The following JMJD1C variants were observed in gnomAD, a reference collection of about 807,000 sequenced individuals.
JMJD1C encodes the protein jumonji domain-containing protein 1C.
A neutral mutation model predicts 245.3 loss-of-function variants in JMJD1C; 31 were observed. The ratio of observed to expected loss-of-function variants is 0.13; its 90% CI spans 0.09 to 0.17. JMJD1C has a LOEUF of 0.17. Among genes scored for constraint, JMJD1C ranks in the 10% least tolerant of loss-of-function variants. The pLI, the probability that JMJD1C is intolerant of heterozygous loss-of-function variation, is 1.00. For synonymous variants in JMJD1C, 1,057 were observed against 1,017.4 expected (o/e 1.04, Z -0.74); for missense variants, 2,691 against 3,000.2 (o/e 0.90, Z 2.41).
intron 1 of JMJD1C, among the ~76,000 whole-genome samples, chr10:63,510,837 C>G (rs992051437): frequency 6.6e-6 from 1 of 152,164 alleles, no homozygotes; most frequent in Non-Finnish European, 1.5e-5. Context: ...CATTGTAGTT[C>G]TATCAGTTTT....
chr10:63,208,880 C>A, intron 9 of JMJD1C, 79 bp from the exon 10 acceptor site: 1 of 1,211,000 alleles, frequency 8.3e-7, no homozygotes, highest in Non-Finnish European at 1.1e-6. Context: ...CAATATCATT[C>A]TATTATGAAA....
At chr10:63,219,852 T>G in intron 4 of JMJD1C, 26 bp downstream of exon 4, 2 of 1,559,988 alleles carry the variant, frequency 1.3e-6, no homozygotes, top group Non-Finnish European at 1.8e-6. Flanking sequence ...CCAAAAAAAT[T>G]TAATGCATAA....
chr10:63,367,279 C>A (rs868077972), intron 2 of JMJD1C, among the ~76,000 whole-genome samples: 1 of 151,932 alleles, frequency 6.6e-6, no homozygotes, highest in African/African-American at 2.4e-5. Context: ...GATAGAGTTT[C>A]ATTCTTATTG....
chr10:63,213,411 A>G, intron 8 of JMJD1C, 62 bp downstream of exon 8: 1 of 951,678 alleles, frequency 1.1e-6, no homozygotes. Context: ...GGAATATTGA[A>G]AAAGCACCTG....
At chr10:63,292,411 G>A (rs1042795752) in intron 2 of JMJD1C, among the ~76,000 whole-genome samples, 1 of 151,752 alleles carries the variant, frequency 6.6e-6, no homozygotes, top group Non-Finnish European at 1.5e-5. Flanking sequence ...AGGAGTTCAA[G>A]ACCAGCGTGG....
chr10:63,485,217 T>G (rs1953957303), intron 1 of JMJD1C, among the ~76,000 whole-genome samples: 1 of 152,082 alleles, frequency 6.6e-6, no homozygotes, highest in South Asian at 2.1e-4. Context: ...TTGCTTTTTG[T>G]TTGTCTGTTT....
Position 63,190,983 on chromosome 10 carries a change from C to A in JMJD1C, c.6202G>T (p.Asp2068Tyr), listed in dbSNP as rs1251426928. Residue 2068 changes from aspartate (D) to tyrosine (Y), a missense_variant, in exon 17 of 26, where the codon GAT becomes TAT. Transcript: ENST00000399262. Reference sequence around the variant, plus strand: ...TTTCCAGCTGTTGTAGTCAGCAAATCCCGTAAGGTTGAGCCTTGTTCATTA... The same window carrying A: ...TTTCCAGCTGTTGTAGTCAGCAAATACCGTAAGGTTGAGCCTTGTTCATTA... Reference protein sequence around the residue: ...QNNEQGSTLRDLLTTTAGKLR... With the variant: ...QNNEQGSTLRYLLTTTAGKLR... The A allele has an allele frequency of 1.2e-6, 2 of 1,614,040 alleles. No individual in the cohort carries two copies. Among genetic ancestry groups the A allele is most frequent in the African/African-American group, 2.7e-5 (2 of 74,938 alleles).
chr10:63,171,199 G>A (rs1842320270), intron 24 of JMJD1C, among the ~76,000 whole-genome samples: 1 of 152,146 alleles, frequency 6.6e-6, no homozygotes, highest in East Asian at 1.9e-4. Flanking sequence ...AACAACTGTT[G>A]CTGTTTTTAA....
chr10:63,194,289 A>T lies in JMJD1C; in HGVS notation c.5731T>A (p.Ser1911Thr). ...HLMPTQIIPG[S>T]VLTDLLDAMH... ...TACATGAAGAAGATATACTTACCAG[A>T]ACCAGGTATAATTTGGGTTGGCATT... The change falls in exon 14 of 26, where the codon TCT (serine) becomes ACT (threonine). Residue 1911 changes from serine to threonine, a missense_variant. Transcript: ENST00000399262. 1 of 1,599,428 alleles carries T rather than the reference A, an allele frequency of 6.3e-7. No homozygotes were observed.
chr10:63,305,499 G>A (rs1938019964), intron 2 of JMJD1C, among the ~76,000 whole-genome samples: 3 of 108,964 alleles, frequency 2.8e-5, no homozygotes, highest in Middle Eastern at 5.0e-3. Flanking sequence ...TCTCTCTGGA[G>A]GCAAGGTCTG....
chr10:63,280,156 A>T (rs1034365109), intron 2 of JMJD1C, among the ~76,000 whole-genome samples: 33 of 151,860 alleles, frequency 2.2e-4, no homozygotes, highest in African/African-American at 6.8e-4. Context: ...ATATCAATTT[A>T]AAAAAAAATT....
At position 63,245,452 on chromosome 10, in the gene JMJD1C, A is replaced by G. The variant is rs1852069592; in HGVS notation, c.447+19199T>C. Among the ~76,000 whole-genome samples, 4 of 146,786 alleles carry G rather than the reference A, an allele frequency of 2.7e-5. No homozygotes were observed. The Admixed American group carries it at 2.7e-4, about 10-fold the overall frequency. ...GTTTCACATGGATAGCAGCAGGCAA[A>G]GAGAGGGAGCTTCTGCAGGGGAACT... is the stretch of plus-strand genomic sequence containing the variant. On this transcript the variant is annotated intron_variant, in intron 3 of 25. Transcript: ENST00000399262.
intron 1 of JMJD1C, among the ~76,000 whole-genome samples, chr10:63,428,397 A>G (rs1187875337): frequency 6.6e-6 from 1 of 152,314 alleles, no homozygotes; most frequent in East Asian, 1.9e-4. Context: ...CAAAGATTAC[A>G]AAAGACTCAT....
rs531944687 is a variant in JMJD1C, at chr10:63,207,231, T to C, written c.4438A>G (p.Ile1480Val). 6.2e-7 allele frequency: 1 copy of C among 1,614,148 alleles called. No individual in the cohort carries two copies. Among genetic ancestry groups the C allele is most frequent in the Non-Finnish European group, 8.5e-7 (1 of 1,180,034 alleles). ...SSGFSGTTDF[I>V]HLKKHKAALA... ...GCTGCCTTGTGCTTTTTTAAATGGATAAAATCAGTTGTGCCTGAGAACCCA... is the reference window on the plus strand; with the variant it reads ...GCTGCCTTGTGCTTTTTTAAATGGACAAAATCAGTTGTGCCTGAGAACCCA... Residue 1480 changes from isoleucine to valine, a missense_variant, in exon 10 of 26, where the codon ATC (isoleucine) becomes GTC (valine). Transcript: ENST00000399262.
chr10:63,308,309 TAGG>T (rs935799307), intron 2 of JMJD1C, among the ~76,000 whole-genome samples: 12 of 152,162 alleles, frequency 7.9e-5, no homozygotes, highest in African/African-American at 2.9e-4. Flanking sequence ...GTAACCAGTC[TAGG>T]AGATGATATC....
intron 2 of JMJD1C, among the ~76,000 whole-genome samples, chr10:63,346,839 A>C (rs1310934279): frequency 6.6e-6 from 1 of 152,136 alleles, no homozygotes; most frequent in African/African-American, 2.4e-5. Context: ...TCATACCATA[A>C]TTTAGCGCAA....
At chr10:63,509,816 A>T (rs1455220926) in intron 1 of JMJD1C, among the ~76,000 whole-genome samples, 11 of 152,158 alleles carry the variant, frequency 7.2e-5, no homozygotes. Flanking sequence ...TAGCTAAAAG[A>T]TTACCTATTT....
At chr10:63,445,860 GAA>G (rs1158756663) in intron 1 of JMJD1C, among the ~76,000 whole-genome samples, 2 of 112,928 alleles carry the variant, frequency 1.8e-5, no homozygotes, top group African/African-American at 6.6e-5. Context: ...GCTGGGATCT[GAA>G]TTTTTTTTTT....
chr10:63,368,609 C>T (rs1189829498), intron 2 of JMJD1C, among the ~76,000 whole-genome samples: 1 of 152,210 alleles, frequency 6.6e-6, no homozygotes, highest in African/African-American at 2.4e-5. Context: ...AATAAAACAG[C>T]ATCACGTTGT....
Sources: gnomAD v4.1 joint callset for allele counts (sites outside exome capture counted in the v4.1 genomes callset) on GRCh38, gnomAD v4.1.1 for gene constraint, MANE v1.5 for transcripts, NCBI Gene and HGNC (gene_info 2026-07-23, HGNC 2026-07-21) for gene names.